Variants in PGAP3 observed in about 807,000 individuals in gnomAD.
PGAP3 encodes the protein post-GPI attachment to proteins phospholipase 3, also known as GPI-specific phospholipase A2-like PGAP3.
PGAP3 carries 31 observed loss-of-function variants against 40.3 expected under a neutral mutation model. The observed-to-expected ratio is 0.77, with a 90% CI of 0.58 to 1.04. PGAP3 has a LOEUF of 1.04. PGAP3 is among the 50% of genes least tolerant of loss of function. The pLI is 0.00. For missense variants in PGAP3, 413 were observed against 423.0 expected, an observed-to-expected ratio of 0.98 and a Z score of 0.21; for synonymous variants, 191 against 184.5, an observed-to-expected ratio of 1.04 and a Z score of -0.29.
Position 39,684,627 on chromosome 17 carries a change from G to A in PGAP3, c.402C>T (p.Pro134=), listed in dbSNP as rs1489113171. The A allele has an allele frequency of 1.2e-6, 2 of 1,613,846 alleles. No homozygotes were observed. Among genetic ancestry groups the A allele is most frequent in the East Asian group, 2.2e-5 (1 of 44,888 alleles). The change falls in exon 3 of 8, where the codon CCC becomes CCT. Residue 134 remains proline (P), a synonymous_variant. Coordinates refer to ENST00000300658, the MANE Select transcript of PGAP3 (RefSeq NM_033419.5). ...RYRTFVPASS[P]MYHTCVAFAW... is the part of the protein sequence containing the mutation. ...CGAAGGCCACACAGGTGTGGTACATGGGGGAGGAGGCTGGCACGAAGGTGC... is the reference window on the plus strand; with the variant it reads ...CGAAGGCCACACAGGTGTGGTACATAGGGGAGGAGGCTGGCACGAAGGTGC...
At chr17:39,673,952 AG>A (rs1249116745) in intron 5 of PGAP3, 40 bp downstream of exon 5, 2 of 1,596,120 alleles carry the variant, frequency 1.3e-6, no homozygotes, top group Non-Finnish European at 1.7e-6. Context: ...TTCTGCCCCC[AG>A]GGTTCGATTT....
At chr17:39,680,083 T>C (rs1279518726) in intron 3 of PGAP3, among the ~76,000 whole-genome samples, 1 of 152,054 alleles carries the variant, frequency 6.6e-6, no homozygotes, top group African/African-American at 2.4e-5. Context: ...TATGCTTAGC[T>C]CCCTGGGGCA....
rs1474773411 is a variant in PGAP3, at chr17:39,687,955, G to A, written c.60C>T (p.Gly20=). ...ACACCGGCTCACGGTCGCCCTGGGA[G>A]CCGCTCGCCAGCGCCGCTGCCCCAG... The part of the protein sequence containing the change: ...LLAGAAALAS[G]SQGDREPVYR... Residue 20 remains glycine, a synonymous_variant, in exon 1 of 8, where the codon GGC becomes GGT. Transcript: ENST00000300658. The A allele has an allele frequency of 1.4e-6, 2 of 1,473,796 alleles. No homozygotes were observed. Among genetic ancestry groups the A allele is most frequent in the Non-Finnish European group, 1.8e-6 (2 of 1,097,692 alleles). 91.3% of individuals were successfully genotyped at this position (1,473,796 alleles called of 1,614,324 possible). A position where few individuals can be genotyped will look rare whatever the true frequency, so the allele number is the denominator to read the frequency against.
Position 39,686,008 on chromosome 17 carries a change from G to T in PGAP3, c.193C>A (p.Arg65=). The change falls in exon 2 of 8, where the codon CGG becomes AGG. Residue 65 remains arginine, a synonymous_variant. Transcript: ENST00000300658. ...IYMSLAGWTC[R]DDCKYECMWV... ...ATACACTCATACTTACAGTCGTCCC[G>T]ACAGGTCCAGCCTGAAACAGACAAA... 1.2e-6 allele frequency: 2 copies of T among 1,612,296 alleles called. No homozygotes were observed. The highest frequency in any genetic ancestry group is 2.2e-5 in the South Asian group (2 of 90,992).
rs780148016 is a variant in PGAP3 at position 39,672,762 on chromosome 17, G to A, written c.*41C>T. 3.3e-5 allele frequency: 52 copies of A among 1,579,732 alleles called. No individual in the cohort carries two copies. Among genetic ancestry groups the A allele is most frequent in the Middle Eastern group, 3.3e-4 (2 of 6,018 alleles). On this transcript the variant is annotated 3_prime_UTR_variant, in exon 8 of 8. Transcript: ENST00000300658. ...AGGGGAGAAGGGAGGCCAGCAGGGCGGGGGCAGGATCCCCACTGGGGCAGA... is the reference window on the plus strand; with the variant it reads ...AGGGGAGAAGGGAGGCCAGCAGGGCAGGGGCAGGATCCCCACTGGGGCAGA...
At chr17:39,677,087 G>A (rs1455720762) in intron 3 of PGAP3, among the ~76,000 whole-genome samples, 2 of 152,158 alleles carry the variant, frequency 1.3e-5, no homozygotes, top group African/African-American at 4.8e-5. Context: ...GCAGCTGTGT[G>A]ACCTTGGACA....
chr17:39,675,850 C>A (rs1495101), intron 3 of PGAP3, among the ~76,000 whole-genome samples: 94,558 of 151,712 alleles, frequency 0.62, 30,242 homozygotes, highest in South Asian at 0.74. Context: ...TGCCTAGTGC[C>A]CCTGTCTGGC....
At chr17:39,687,548 CTG>C (rs1224929394) in intron 1 of PGAP3, among the ~76,000 whole-genome samples, 2 of 152,206 alleles carry the variant, frequency 1.3e-5, no homozygotes, top group African/African-American at 4.8e-5. Flanking sequence ...CCCGTGGGGA[CTG>C]TGAGTCCCAA....
chr17:39,684,089 C>T (rs1030348603), intron 3 of PGAP3, among the ~76,000 whole-genome samples: 2 of 142,006 alleles, frequency 1.4e-5, no homozygotes, highest in Non-Finnish European at 3.0e-5. Flanking sequence ...GCGCCATTTG[C>T]ACTCCAGCCT....
At chr17:39,685,877 C>G in intron 2 of PGAP3, 45 bp downstream of exon 2, 1 of 1,554,656 alleles carries the variant, frequency 6.4e-7, no homozygotes, top group Non-Finnish European at 8.9e-7. Flanking sequence ...GTATATTACT[C>G]CTACCACGCT....
Position 39,671,694 on chromosome 17 carries a change from T to C in PGAP3, c.*1109A>G, listed in dbSNP as rs1436195540. 6.6e-6 allele frequency: 1 copy of C among 152,394 alleles called. No individual in the cohort carries two copies. The highest frequency in any genetic ancestry group is 2.4e-5 in the African/African-American group (1 of 41,438). 9.4% of individuals were successfully genotyped at this position (152,394 alleles called of 1,614,324 possible). On this transcript the variant is annotated 3_prime_UTR_variant, in exon 8 of 8. Coordinates refer to ENST00000300658, the MANE Select transcript of PGAP3 (RefSeq NM_033419.5). ...TCCTCTGCCTCCGAGGGGCTGCTTC[T>C]GGAGGGCACTGTTGTGTGGGGACCC...
intron 5 of PGAP3, 170 bp from the exon 6 acceptor site, chr17:39,673,820 G>T: frequency 8.3e-7 from 1 of 1,208,064 alleles, no homozygotes; most frequent in Non-Finnish European, 1.2e-6. Flanking sequence ...CTTGTCAGGA[G>T]CCAGGGCCCC....
chr17:39,687,776 G>A (rs1177680836), intron 1 of PGAP3, 58 bp downstream of exon 1: 2 of 1,265,364 alleles, frequency 1.6e-6, no homozygotes, highest in South Asian at 2.5e-5. Context: ...GCGTATTGGG[G>A]GCGCAGGGGG....
At chr17:39,681,292 C>T (rs1334825406) in intron 3 of PGAP3, among the ~76,000 whole-genome samples, 2 of 152,078 alleles carry the variant, frequency 1.3e-5, no homozygotes, top group Non-Finnish European at 2.9e-5. Context: ...AGCCAGATGC[C>T]TGAATTCAAA....
intron 4 of PGAP3, 96 bp from the exon 5 acceptor site, chr17:39,674,150 G>A (rs1456804316): frequency 8.0e-7 from 1 of 1,252,754 alleles, no homozygotes; most frequent in African/African-American, 1.5e-5. Flanking sequence ...GAGGGGCCGG[G>A]GTCCTGGGCC....
chr17:39,685,836 G>A, intron 2 of PGAP3, 86 bp downstream of exon 2: 1 of 1,248,194 alleles, frequency 8.0e-7, no homozygotes, highest in South Asian at 1.3e-5. Flanking sequence ...CCATGCCTCA[G>A]ACTGCTTGGA....
chr17:39,679,502 T>C (rs11078919), intron 3 of PGAP3, among the ~76,000 whole-genome samples: 88,731 of 152,010 alleles, frequency 0.58, 26,889 homozygotes, highest in South Asian at 0.7. Context: ...TCCCATGCTC[T>C]CTAGTAGAGG....
intron 2 of PGAP3, 166 bp from the exon 3 acceptor site, chr17:39,684,915 T>A (rs1328670163): frequency 2.6e-6 from 2 of 771,066 alleles, no homozygotes; most frequent in African/African-American, 3.6e-5. Context: ...TGAGCCACCC[T>A]CCAGTGCCTA....
At chr17:39,681,647 T>A (rs2057441715) in intron 3 of PGAP3, among the ~76,000 whole-genome samples, 1 of 152,158 alleles carries the variant, frequency 6.6e-6, no homozygotes, top group Non-Finnish European at 1.5e-5. Flanking sequence ...TATCTGGTAC[T>A]AAAGGCATGC....
Sources: gnomAD v4.1 joint callset for allele counts (sites outside exome capture counted in the v4.1 genomes callset) on GRCh38, gnomAD v4.1.1 for gene constraint, MANE v1.5 for transcripts, NCBI Gene and HGNC (gene_info 2026-07-23, HGNC 2026-07-21) for gene names.